Variants in CHCHD6 observed in about 807,000 individuals in gnomAD.
CHCHD6 encodes the protein coiled-coil-helix-coiled-coil-helix domain containing 6.
A neutral mutation model predicts 32.3 loss-of-function variants in CHCHD6; 28 were observed. That is an observed-to-expected ratio of 0.87 (90% CI 0.64 to 1.19). The LOEUF (loss-of-function observed/expected upper bound fraction) is 1.19. CHCHD6 is among the 50% of genes most tolerant of loss of function. The pLI is 0.00. For synonymous variants in CHCHD6, 122 were observed against 117.5 expected, an observed-to-expected ratio of 1.04 and a Z score of -0.25; for missense variants, 333 against 307.0, an observed-to-expected ratio of 1.08 and a Z score of -0.63.
chr3:126,780,380 TA>T (rs1266538788), intron 4 of CHCHD6: 4 of 422,956 alleles, frequency 9.5e-6, no homozygotes, highest in Admixed American at 2.6e-5. Flanking sequence ...AGGTATCCAA[TA>T]AAAAGGCTCC....
At chr3:126,828,574 A>G (rs1384546775) in intron 4 of CHCHD6, among the ~76,000 whole-genome samples, 1 of 152,196 alleles carries the variant, frequency 6.6e-6, no homozygotes, top group Non-Finnish European at 1.5e-5. Context: ...GTCCTGTCGG[A>G]TGGGACAGGA....
At chr3:126,946,776 A>G (rs1576637544) in intron 6 of CHCHD6, among the ~76,000 whole-genome samples, 1 of 152,204 alleles carries the variant, frequency 6.6e-6, no homozygotes, top group Non-Finnish European at 1.5e-5. Context: ...GGACCTGACC[A>G]AGATGAATGT....
At chr3:126,813,858 TG>T (rs1356470444) in intron 4 of CHCHD6, among the ~76,000 whole-genome samples, 1 of 152,200 alleles carries the variant, frequency 6.6e-6, no homozygotes, top group Non-Finnish European at 1.5e-5. Flanking sequence ...ATCAGTGAAT[TG>T]GAGGACACTA....
intron 5 of CHCHD6, among the ~76,000 whole-genome samples, chr3:126,864,652 TCCTCCTCCA>T (rs771761875): frequency 2.6e-4 from 32 of 125,072 alleles, no homozygotes; most frequent in Non-Finnish European, 3.1e-4. Flanking sequence ...CCTTTTTTCC[TCCTCCTCCA>T]CCTCCTCCAC....
intron 4 of CHCHD6, among the ~76,000 whole-genome samples, chr3:126,801,418 C>G (rs74823292): frequency 4.1e-4 from 63 of 152,166 alleles, no homozygotes; most frequent in African/African-American, 1.5e-3. Context: ...TATCCCGCAC[C>G]TGGCTCGGAG....
At chr3:126,819,455 C>T (rs1232860686) in intron 4 of CHCHD6, among the ~76,000 whole-genome samples, 3 of 152,208 alleles carry the variant, frequency 2.0e-5, no homozygotes, top group African/African-American at 7.2e-5. Flanking sequence ...ACTTGTTCAC[C>T]TCTTAGGTCC....
At chr3:126,815,781 C>G (rs1262096713) in intron 4 of CHCHD6, among the ~76,000 whole-genome samples, 1 of 152,064 alleles carries the variant, frequency 6.6e-6, no homozygotes, top group Admixed American at 6.5e-5. Context: ...TCCTACATTT[C>G]TGTGATCAAG....
At chr3:126,893,994 C>G (rs1576567047) in intron 5 of CHCHD6, among the ~76,000 whole-genome samples, 1 of 152,224 alleles carries the variant, frequency 6.6e-6, no homozygotes, top group South Asian at 2.1e-4. Flanking sequence ...GCTGCAAACA[C>G]ACCTCCAGGG....
rs149020511 is a variant in CHCHD6, at chr3:126,835,064, C to T, written c.412-17583C>T. On this transcript the variant is annotated intron_variant, in intron 4 of 7. Transcript: ENST00000290913. ...ATATCCATTCTCCAGAGAAGTAGCCCGGGTGGGAGATCCTAGATGGATCCA... is the reference window on the plus strand; with the variant it reads ...ATATCCATTCTCCAGAGAAGTAGCCTGGGTGGGAGATCCTAGATGGATCCA... Among the ~76,000 whole-genome samples the T allele has an allele frequency of 4.6e-4, 70 of 152,220 alleles. 1 individual carries two copies. Among genetic ancestry groups the T allele is most frequent in the East Asian group, 1.9e-3 (10 of 5,176 alleles).
At chr3:126,935,224 G>T (rs1486444775) in intron 6 of CHCHD6, 1 of 863,910 alleles carries the variant, frequency 1.2e-6, no homozygotes, top group Non-Finnish European at 1.4e-6. Context: ...GCATGAGGCA[G>T]AGGGCTCAGT....
chr3:126,957,885 G>A (rs560812596), intron 7 of CHCHD6: 14 of 416,218 alleles, frequency 3.4e-5, no homozygotes, highest in Non-Finnish European at 5.0e-5. Flanking sequence ...CTTAGCCCTC[G>A]GCACTTAGGG....
At chr3:126,711,334 G>A (rs753527500) in intron 1 of CHCHD6, among the ~76,000 whole-genome samples, 57 of 152,302 alleles carry the variant, frequency 3.7e-4, no homozygotes, top group African/African-American at 1.1e-3. Flanking sequence ...GGATGTGTGC[G>A]GCAGACTTTG....
At chr3:126,891,018 G>T (rs930621850) in intron 5 of CHCHD6, among the ~76,000 whole-genome samples, 3 of 152,206 alleles carry the variant, frequency 2.0e-5, no homozygotes, top group African/African-American at 7.2e-5. Context: ...GGATTGGGAT[G>T]GGGTGAATTT....
chr3:126,943,138 T>C (rs1364903217), intron 6 of CHCHD6, among the ~76,000 whole-genome samples: 10 of 152,064 alleles, frequency 6.6e-5, no homozygotes, highest in African/African-American at 1.9e-4. Context: ...AGCTGCCACG[T>C]CCCCTCCTGG....
At chr3:126,753,707 T>C (rs1233335740) in intron 4 of CHCHD6, among the ~76,000 whole-genome samples, 1 of 152,230 alleles carries the variant, frequency 6.6e-6, no homozygotes, top group Non-Finnish European at 1.5e-5. Context: ...TGGGCTGCCT[T>C]TCTGCAGCAG....
In CHCHD6 at chr3:126,730,565, C is replaced by T. The variant is rs1042530124; in HGVS notation, c.201C>T (p.Ser67=). The T allele has an allele frequency of 2.5e-6, 4 of 1,613,440 alleles. No homozygotes were observed. The African/African-American group carries it at 4.0e-5, about 16-fold the overall frequency. Residue 67 remains serine (S), a synonymous_variant, in exon 3 of 8, where the codon TCC becomes TCT. Transcript: ENST00000290913. ...TTTCTTCTCTTTCCTTTGCAGAATCCACACTGCCCAGGTCGGGGAGCAGTG... is the reference window on the plus strand; with the variant it reads ...TTTCTTCTCTTTCCTTTGCAGAATCTACACTGCCCAGGTCGGGGAGCAGTG... ...DGNLRAPHKE[S]TLPRSGSSGG...
chr3:126,880,924 A>T lies in CHCHD6; in HGVS notation c.495+28194A>T, dbSNP rs929939119. Among the ~76,000 whole-genome samples the T allele has an allele frequency of 3.3e-5, 5 of 152,300 alleles. No individual in the cohort carries two copies. In the East Asian group the frequency reaches 9.7e-4, roughly 29 times the overall value. ...TGTTGAGGTGGAGGCTGGAACATGG[A>T]TCTAATGCACAGAATTGGTCCTTGG... is the stretch of plus-strand genomic sequence containing the variant. On this transcript the variant is annotated intron_variant, in intron 5 of 7. Transcript: ENST00000290913.
chr3:126,956,568 C>T (rs56693317), intron 6 of CHCHD6, among the ~76,000 whole-genome samples: 3,407 of 150,514 alleles, frequency 0.023, 132 homozygotes, highest in African/African-American at 0.078. Flanking sequence ...AGGGAGTGCA[C>T]GAATGTGCTG....
chr3:126,861,213 T>C (rs978124806), intron 5 of CHCHD6, among the ~76,000 whole-genome samples: 3 of 152,068 alleles, frequency 2.0e-5, no homozygotes, highest in African/African-American at 7.3e-5. Flanking sequence ...GGACTCTGCC[T>C]CCTTGCATCC....
Sources: allele counts gnomAD v4.1 joint callset (sites outside exome capture counted in the v4.1 genomes callset), GRCh38; gene constraint gnomAD v4.1.1; transcripts MANE v1.5; gene names NCBI Gene and HGNC (gene_info 2026-07-23, HGNC 2026-07-21).